The following CELF4 variants were observed in gnomAD, a reference collection of about 807,000 sequenced individuals.
CELF4 encodes the protein CUG-BP- and ETR-3-like factor 4.
CELF4 carries 18 observed loss-of-function variants against 59.9 expected under a neutral mutation model. The ratio of observed to expected loss-of-function variants is 0.30; its 90% CI spans 0.21 to 0.45. The LOEUF (loss-of-function observed/expected upper bound fraction) is 0.45. CELF4 is among the 20% of genes least tolerant of loss of function. CELF4 has a pLI of 1.00. For synonymous variants in CELF4, 261 were observed against 267.1 expected, an observed-to-expected ratio of 0.98 and a Z score of 0.22; for missense variants, 456 against 689.0, an observed-to-expected ratio of 0.66 and a Z score of 3.79.
At chr18:37,460,322 C>G (rs571978698) in intron 2 of CELF4, among the ~76,000 whole-genome samples, 1 of 152,320 alleles carries the variant, frequency 6.6e-6, no homozygotes, top group African/African-American at 2.4e-5. Context: ...TGTAGTCCAA[C>G]CAGGAACACA....
Position 37,245,295 on chromosome 18 carries a change from C to T in CELF4, c.*45-98G>A, listed in dbSNP as rs1384715053. 6.6e-6 allele frequency: 1 copy of T among 152,088 alleles called. No individual in the cohort carries two copies. The highest frequency in any genetic ancestry group is 2.4e-5 in the African/African-American group (1 of 41,462). 9.4% of individuals were successfully genotyped at this position (152,088 alleles called of 1,614,324 possible). A position where few individuals can be genotyped will look rare whatever the true frequency, so the allele number is the denominator to read the frequency against. ...CCTGCCTCAGGGGCTAGGATGGGAG[C>T]TCTAGGGGATGGTGGGAGGGAAGGA... On this transcript the variant is annotated intron_variant, in intron 12 of 12. Transcript: ENST00000420428. This position sits in a 1 kb window ranked among gnomAD's most constrained non-coding sequence, Gnocchi z 4.1.
intron 1 of CELF4, among the ~76,000 whole-genome samples, chr18:37,497,170 G>A (rs1286138804): frequency 6.6e-6 from 1 of 152,120 alleles, no homozygotes; most frequent in Non-Finnish European, 1.5e-5. Flanking sequence ...TGCCCACAGA[G>A]CCCACCAAGA....
chr18:37,446,265 T>C (rs2099747957), intron 2 of CELF4, among the ~76,000 whole-genome samples: 1 of 152,126 alleles, frequency 6.6e-6, no homozygotes, highest in South Asian at 2.1e-4. Flanking sequence ...AAGAGACGGA[T>C]GGATTTGGAG....
At chr18:37,506,101 G>A (rs925926988) in intron 1 of CELF4, among the ~76,000 whole-genome samples, 2 of 107,712 alleles carry the variant, frequency 1.9e-5, no homozygotes, top group African/African-American at 7.2e-5. Context: ...CTGTTCTTTT[G>A]GCATTCTCTG....
At chr18:37,325,174 C>A (rs2154526029) in intron 2 of CELF4, among the ~76,000 whole-genome samples, 1 of 152,188 alleles carries the variant, frequency 6.6e-6, no homozygotes, top group South Asian at 2.1e-4. Context: ...GGGAGTGAGG[C>A]CATTCCTGAG....
chr18:37,553,870 T>A (rs1568217816), intron 1 of CELF4, among the ~76,000 whole-genome samples: 2 of 152,120 alleles, frequency 1.3e-5, no homozygotes, highest in Non-Finnish European at 2.9e-5. Context: ...CACTTCAGAC[T>A]GGGGCCCGCA....
intron 6 of CELF4, chr18:37,273,902 G>A: frequency 9.7e-7 from 1 of 1,036,256 alleles, no homozygotes; most frequent in Non-Finnish European, 1.2e-6. Context: ...CAGGAGCCCT[G>A]CCAGGAGAGA....
At chr18:37,315,391 A>G (rs1004827362) in intron 3 of CELF4, among the ~76,000 whole-genome samples, 2 of 151,280 alleles carry the variant, frequency 1.3e-5, no homozygotes, top group Non-Finnish European at 3.0e-5. Flanking sequence ...TCTCCTCCCA[A>G]CTCTTCATGG....
chr18:37,539,959 A>T (rs2099976608), intron 1 of CELF4, among the ~76,000 whole-genome samples: 1 of 152,190 alleles, frequency 6.6e-6, no homozygotes, highest in Admixed American at 6.5e-5. Context: ...CAATAGACAT[A>T]GCTTTATTAA....
At chr18:37,551,077 G>T (rs931332454) in intron 1 of CELF4, among the ~76,000 whole-genome samples, 121 of 152,246 alleles carry the variant, frequency 7.9e-4, no homozygotes, top group Non-Finnish European at 7.4e-5. Flanking sequence ...TTGGGGTGGG[G>T]AGTGTAGAGG....
At chr18:37,259,548 C>A (rs543252251) in intron 10 of CELF4, among the ~76,000 whole-genome samples, 2 of 152,268 alleles carry the variant, frequency 1.3e-5, no homozygotes, top group South Asian at 4.1e-4. Flanking sequence ...GCTTAGAAAC[C>A]CTAGGGCTCC....
intron 2 of CELF4, among the ~76,000 whole-genome samples, chr18:37,340,091 T>C (rs1438216272): frequency 6.6e-6 from 1 of 152,202 alleles, no homozygotes; most frequent in Non-Finnish European, 1.5e-5. Flanking sequence ...GTCTCCCCCT[T>C]TCCTGACTCC....
chr18:37,537,316 C>G (rs2099974312), intron 1 of CELF4, among the ~76,000 whole-genome samples: 1 of 152,138 alleles, frequency 6.6e-6, no homozygotes, highest in African/African-American at 2.4e-5. Context: ...AAATCGCACC[C>G]AGGCTGGACT....
intron 3 of CELF4, among the ~76,000 whole-genome samples, chr18:37,320,970 C>G (rs1390941486): frequency 1.3e-5 from 2 of 152,120 alleles, no homozygotes; most frequent in Non-Finnish European, 2.9e-5. Flanking sequence ...ATTTTCTTTG[C>G]CATGTCCTTG....
At chr18:37,391,043 C>G (rs2099155711) in intron 2 of CELF4, among the ~76,000 whole-genome samples, 1 of 152,134 alleles carries the variant, frequency 6.6e-6, no homozygotes, top group Non-Finnish European at 1.5e-5. Context: ...CTGCCTGCCT[C>G]AGTCATGTCT....
At chr18:37,336,823 C>T (rs1323026955) in intron 2 of CELF4, among the ~76,000 whole-genome samples, 2 of 152,250 alleles carry the variant, frequency 1.3e-5, no homozygotes, top group Non-Finnish European at 2.9e-5. Flanking sequence ...GAAAGTCTAT[C>T]GAGCTCCTGA....
At chr18:37,562,977 C>T (rs1343201575) in intron 1 of CELF4, among the ~76,000 whole-genome samples, 1 of 152,082 alleles carries the variant, frequency 6.6e-6, no homozygotes, top group African/African-American at 2.4e-5. Context: ...TTGCCACTGA[C>T]TGAGACAGTT....
intron 2 of CELF4, among the ~76,000 whole-genome samples, chr18:37,402,963 T>C (rs2154582192): frequency 6.6e-6 from 1 of 152,314 alleles, no homozygotes; most frequent in South Asian, 2.1e-4. Flanking sequence ...AGTCCTGGCA[T>C]GCACAGGGCC....
intron 3 of CELF4, among the ~76,000 whole-genome samples, chr18:37,310,500 C>A (rs1438043120): frequency 6.6e-6 from 1 of 152,200 alleles, no homozygotes; most frequent in African/African-American, 2.4e-5. Flanking sequence ...GTCTTCCAAG[C>A]CTGCCTTAGT....
Sources: gnomAD v4.1 joint callset for allele counts (sites outside exome capture counted in the v4.1 genomes callset) on GRCh38, gnomAD v4.1.1 for gene constraint, Gnocchi (gnomAD v3.1) non-coding constraint, MANE v1.5 for transcripts, NCBI Gene and HGNC (gene_info 2026-07-23, HGNC 2026-07-21) for gene names.